The following SGCD variants were observed in gnomAD, a reference collection of about 807,000 sequenced individuals.
SGCD encodes the protein delta-sarcoglycan.
In SGCD, 18 loss-of-function variants were observed where a neutral mutation model predicts 36.6. The observed-to-expected ratio is 0.49, with a 90% CI of 0.34 to 0.73. The LOEUF is 0.73. Among genes scored for constraint, SGCD ranks in the 30% least tolerant of loss-of-function variants. The probability of loss-of-function intolerance (pLI) is 0.01; values close to 1 mark genes in which losing one functional copy is unlikely to be tolerated. For missense variants in SGCD, 387 were observed against 346.7 expected, an observed-to-expected ratio of 1.12 and a Z score of -0.92; for synonymous variants, 133 against 130.6, an observed-to-expected ratio of 1.02 and a Z score of -0.12.
chr5:156,012,963 T>C lies in SGCD; in HGVS notation c.-281-104915T>C, dbSNP rs991446111. Among the ~76,000 whole-genome samples the C allele has an allele frequency of 2.0e-5, 3 of 149,208 alleles. No homozygotes were observed. In the East Asian group the frequency reaches 5.9e-4, roughly 29 times the overall value. ...TCCATTTATATATATATTTATTATT[T>C]ATATATATAATATGTATACAAGTAG... On this transcript the variant is annotated intron_variant, in intron 1 of 9. Coordinates refer to the SGCD transcript ENST00000517913.
intron 1 of SGCD, among the ~76,000 whole-genome samples, chr5:155,957,575 G>C (rs549398427): frequency 6.6e-6 from 1 of 152,184 alleles, no homozygotes; most frequent in Non-Finnish European, 1.5e-5. Flanking sequence ...TCTACTCTCA[G>C]GTTTTGGCTC....
At chr5:155,949,502 C>T (rs540982509) in intron 1 of SGCD, among the ~76,000 whole-genome samples, 12 of 152,090 alleles carry the variant, frequency 7.9e-5, no homozygotes, top group African/African-American at 2.2e-4. Flanking sequence ...GTAATTTGTT[C>T]GATGTTATGT....
At chr5:156,184,235 T>A (rs1763678134) in intron 3 of SGCD, among the ~76,000 whole-genome samples, 1 of 152,140 alleles carries the variant, frequency 6.6e-6, no homozygotes, top group African/African-American at 2.4e-5. Flanking sequence ...GCCTAACGCT[T>A]TCACACCATT....
intron 3 of SGCD, among the ~76,000 whole-genome samples, chr5:156,394,481 G>A (rs528584656): frequency 6.6e-6 from 1 of 152,280 alleles, no homozygotes; most frequent in South Asian, 2.1e-4. Context: ...ACAGTTGATA[G>A]TGACCATTAC....
chr5:155,924,347 A>G (rs244959), intron 1 of SGCD, among the ~76,000 whole-genome samples: 74,451 of 152,010 alleles, frequency 0.49, 18,935 homozygotes, highest in Non-Finnish European at 0.58. Flanking sequence ...GCACAGAGGA[A>G]GGGATGTCTT....
intron 3 of SGCD, among the ~76,000 whole-genome samples, chr5:156,193,683 C>T (rs1561559584): frequency 6.6e-6 from 1 of 152,206 alleles, no homozygotes; most frequent in South Asian, 2.1e-4. Context: ...CTGCTCCTGT[C>T]AGTGGAGATC....
At chr5:156,739,335 A>T (rs1399290074) in intron 7 of SGCD, among the ~76,000 whole-genome samples, 2 of 152,224 alleles carry the variant, frequency 1.3e-5, no homozygotes, top group African/African-American at 2.4e-5. Flanking sequence ...AATTCAAACA[A>T]ATATTTCCTG....
intron 4 of SGCD, among the ~76,000 whole-genome samples, chr5:156,551,749 T>C (rs902655106): frequency 4.6e-5 from 7 of 152,202 alleles, no homozygotes; most frequent in Non-Finnish European, 8.8e-5. Context: ...TCCCATGGTC[T>C]AGCGATCCTG....
At chr5:156,679,826 G>A (rs1460751572) in intron 7 of SGCD, among the ~76,000 whole-genome samples, 1 of 151,976 alleles carries the variant, frequency 6.6e-6, no homozygotes, top group African/African-American at 2.4e-5. Flanking sequence ...TAGATTTCTA[G>A]ATTCTTTCTC....
intron 1 of SGCD, among the ~76,000 whole-genome samples, chr5:156,074,442 G>T (rs1256691330): frequency 6.6e-6 from 1 of 152,090 alleles, no homozygotes. Context: ...GTATTTACTT[G>T]GGAGGCTGAA....
intron 3 of SGCD, among the ~76,000 whole-genome samples, chr5:156,350,103 A>G (rs1769162722): frequency 6.6e-6 from 1 of 151,280 alleles, no homozygotes; most frequent in South Asian, 2.1e-4. Context: ...TGGGAAGGGG[A>G]TGATGAAGGA....
intron 1 of SGCD, among the ~76,000 whole-genome samples, chr5:155,983,550 T>C (rs1315032054): frequency 6.6e-6 from 1 of 152,194 alleles, no homozygotes; most frequent in East Asian, 1.9e-4. Flanking sequence ...TCTGCCTGCC[T>C]TGGCCTCTCA....
At chr5:156,604,144 A>C (rs544122594) in intron 6 of SGCD, among the ~76,000 whole-genome samples, 1 of 152,072 alleles carries the variant, frequency 6.6e-6, no homozygotes, top group South Asian at 2.1e-4. Flanking sequence ...TCACTATACA[A>C]TGACCTTCTC....
chr5:156,147,628 G>A (rs1283697715), intron 3 of SGCD, among the ~76,000 whole-genome samples: 1 of 152,188 alleles, frequency 6.6e-6, no homozygotes, highest in Non-Finnish European at 1.5e-5. Context: ...AATGTTATCA[G>A]CTATCTTTAT....
intron 1 of SGCD, among the ~76,000 whole-genome samples, chr5:155,872,445 A>C (rs1755675102): frequency 6.6e-6 from 1 of 152,140 alleles, no homozygotes; most frequent in Non-Finnish European, 1.5e-5. Flanking sequence ...GACATTAAAT[A>C]ATATTTTAAT....
chr5:156,307,563 T>TTG, intron 3 of SGCD, among the ~76,000 whole-genome samples: 1 of 146,936 alleles, frequency 6.8e-6, no homozygotes, highest in African/African-American at 2.5e-5. Context: ...TTGTTTTTTT[T>TTG]TTTTTTTTTT....
chr5:156,300,021 G>A (rs1019398103), intron 3 of SGCD, among the ~76,000 whole-genome samples: 1 of 152,024 alleles, frequency 6.6e-6, no homozygotes, highest in African/African-American at 2.4e-5. Flanking sequence ...GATCTCGGAG[G>A]AAAGGCTTTC....
intron 3 of SGCD, among the ~76,000 whole-genome samples, chr5:156,189,450 T>A (rs998492469): frequency 2.6e-5 from 4 of 152,334 alleles, no homozygotes; most frequent in Admixed American, 2.0e-4. Context: ...GGGACCTTAG[T>A]GATCATGTAA....
At chr5:155,826,379 TTACTTACTA>T in the SGCD span, among the ~76,000 whole-genome samples, 2 of 152,202 alleles carry the variant, frequency 1.3e-5, no homozygotes, top group African/African-American at 4.8e-5. Flanking sequence ...GTTTCTAATT[TTACTTACTA>T]TACTTACAAT....
Sources: allele counts gnomAD v4.1 joint callset (sites outside exome capture counted in the v4.1 genomes callset), GRCh38; gene constraint gnomAD v4.1.1; transcripts MANE v1.5; gene names NCBI Gene and HGNC (gene_info 2026-07-23, HGNC 2026-07-21).